The following PIK3CD variants were observed in gnomAD, a reference collection of about 807,000 sequenced individuals.
PIK3CD encodes the protein phosphatidylinositol-4,5-bisphosphate 3-kinase catalytic subunit delta.
PIK3CD carries 20 observed loss-of-function variants against 122.9 expected under a neutral mutation model. The observed-to-expected ratio is 0.16, with a 90% CI of 0.11 to 0.24. PIK3CD has a LOEUF of 0.24. Ranked by LOEUF, PIK3CD falls within the 10% of genes least tolerant of loss-of-function variation. PIK3CD has a pLI of 1.00. For missense variants in PIK3CD, 787 were observed against 1,406.3 expected (o/e 0.56, Z 7.04); for synonymous variants, 596 against 593.4 (o/e 1.00, Z -0.06).
the PIK3CD span, among the ~76,000 whole-genome samples, chr1:9,635,166 T>C: frequency 6.6e-6 from 1 of 151,464 alleles, no homozygotes. Context: ...TCCCAGTTAC[T>C]CAGGAGACTG....
rs1294038331 is a variant in PIK3CD, at chr1:9,689,817, G to A, written c.-137-1650G>A. The stretch of plus-strand genomic sequence containing the variant: ...CCCCGCCCAGCCCCGGGCTTTGTCC[G>A]CCTGGGGCGGGGTGGGCAGGGTCGG... On this transcript the variant is annotated intron_variant, in intron 1 of 23. Coordinates refer to ENST00000377346, the MANE Select transcript of PIK3CD (RefSeq NM_005026.5). This position sits in a 1 kb window ranked among gnomAD's most constrained non-coding sequence, Gnocchi z 6.1. Among the ~76,000 whole-genome samples, 3 of 151,966 alleles carry A rather than the reference G, an allele frequency of 2.0e-5. No homozygotes were observed. The highest frequency in any genetic ancestry group is 4.8e-5 in the African/African-American group (2 of 41,534).
chr1:9,707,015 G>A (rs1054367933), intron 2 of PIK3CD, among the ~76,000 whole-genome samples: 19 of 141,178 alleles, frequency 1.3e-4, no homozygotes, highest in African/African-American at 3.8e-4. Flanking sequence ...CTCTCACTAT[G>A]TTGCCCAGGC....
chr1:9,675,046 GAGAAAGAAAGAA>G (rs145905057), intron 1 of PIK3CD, among the ~76,000 whole-genome samples: 1 of 143,162 alleles, frequency 7.0e-6, no homozygotes, highest in Non-Finnish European at 1.5e-5. Flanking sequence ...AAGAGAGAGA[GAGAAAGAAAGAA>G]AGAAAGAAAT....
At chr1:9,716,812 G>T in intron 6 of PIK3CD, 147 bp from the exon 7 acceptor site, 1 of 1,245,138 alleles carries the variant, frequency 8.0e-7, no homozygotes, top group Non-Finnish European at 1.2e-6. Flanking sequence ...GGGAGGTGGA[G>T]GTGGGGCAGG....
rs1165774533 is a variant in PIK3CD, at chr1:9,715,404, G to A, written c.142-137G>A. ...CAGCACCCAGGGGGCTGCAGAGAGT[G>A]CAGATCTTGGGGTCTGCCTCTGCCC... is the stretch of plus-strand genomic sequence containing the variant. On this transcript the variant is annotated intron_variant, in intron 3 of 23. Coordinates refer to ENST00000377346, the MANE Select transcript of PIK3CD (RefSeq NM_005026.5). This position sits in a 1 kb window ranked among gnomAD's most constrained non-coding sequence, Gnocchi z 4.1. 4 of 713,886 alleles carry A rather than the reference G, an allele frequency of 5.6e-6. No individual in the cohort carries two copies. Among genetic ancestry groups the A allele is most frequent in the East Asian group, 2.7e-5 (1 of 37,120 alleles). 44.2% of individuals were successfully genotyped at this position (713,886 alleles called of 1,614,324 possible).
intron 2 of PIK3CD, among the ~76,000 whole-genome samples, chr1:9,702,500 CTTTTTTTTTTTTTTTTTTTTTTTTTT>C (rs60167511): frequency 7.8e-5 from 2 of 25,804 alleles, no homozygotes; most frequent in Non-Finnish European, 2.1e-4. Context: ...AAGAACTTTC[CTTTTTTTTTTTTTTTTTTTTTTTTTT>C]TTTTTTTTTT....
At chr1:9,637,241 T>C in the PIK3CD span, among the ~76,000 whole-genome samples, 3 of 152,194 alleles carry the variant, frequency 2.0e-5, no homozygotes, top group African/African-American at 7.2e-5. Context: ...TAATAATCCA[T>C]AGAAGAGGCC....
the PIK3CD span, among the ~76,000 whole-genome samples, chr1:9,629,323 C>T: frequency 1.3e-5 from 2 of 151,986 alleles, no homozygotes; most frequent in South Asian, 4.1e-4. Context: ...GAGGCCGGGG[C>T]ACCTGTCCTC....
chr1:9,650,642 G>GA (rs1644654598), upstream of PIK3CD, among the ~76,000 whole-genome samples: 1 of 151,580 alleles, frequency 6.6e-6, no homozygotes, highest in African/African-American at 2.4e-5. Context: ...AAAGAAAAAA[G>GA]AAAAAGAAAG....
chr1:9,630,499 G>A, the PIK3CD span, among the ~76,000 whole-genome samples: 2 of 152,196 alleles, frequency 1.3e-5, no homozygotes, highest in East Asian at 3.9e-4. Context: ...AGACACAGGG[G>A]AGCAGCCCAG....
At chr1:9,692,953 T>C (rs1340707057) in intron 2 of PIK3CD, among the ~76,000 whole-genome samples, 1 of 152,186 alleles carries the variant, frequency 6.6e-6, no homozygotes, top group Non-Finnish European at 1.5e-5. Context: ...GTTGGAGGAT[T>C]AGAATTTCTT....
Position 9,721,591 on chromosome 1 carries a change from G to A in PIK3CD, c.1955+4G>A, listed in dbSNP as rs1557670966. ...ACTTCCTTTTCTGGCACCTCCGGTAGCGGGACTTGCCCCAGCCGTTCTGTG... is the reference window on the plus strand; with the variant it reads ...ACTTCCTTTTCTGGCACCTCCGGTAACGGGACTTGCCCCAGCCGTTCTGTG... On this transcript the variant is annotated splice_donor_region_variant and intron_variant, in intron 15 of 23. Coordinates refer to ENST00000377346, the MANE Select transcript of PIK3CD (RefSeq NM_005026.5). 1 of 1,612,754 alleles carries A rather than the reference G, an allele frequency of 6.2e-7. No homozygotes were observed. Among genetic ancestry groups the A allele is most frequent in the African/African-American group, 1.3e-5 (1 of 75,036 alleles).
rs1646453505 is a variant in PIK3CD, at chr1:9,697,187, CA to C, written c.-33+5617del. The stretch of plus-strand genomic sequence containing the variant: ...AGGAGTTCAAGACTAGCCTGGGCAA[CA>C]TAGCAAGACCCTGTCTCTATTTTCA... On this transcript the variant is annotated intron_variant, in intron 2 of 23. Transcript: ENST00000377346. 2.0e-5 allele frequency among the ~76,000 whole-genome samples: 3 copies of C among 151,566 alleles called. No homozygotes were observed. The South Asian group carries it at 6.2e-4, about 32-fold the overall frequency.
At chr1:9,665,841 C>T (rs548738091) in intron 1 of PIK3CD, among the ~76,000 whole-genome samples, 21 of 152,054 alleles carry the variant, frequency 1.4e-4, no homozygotes, top group African/African-American at 5.1e-4. Context: ...GCGACCTCCG[C>T]CTCCTGGGTT....
the PIK3CD span, among the ~76,000 whole-genome samples, chr1:9,645,310 C>A: frequency 1.3e-5 from 2 of 152,078 alleles, no homozygotes; most frequent in Non-Finnish European, 2.9e-5. Context: ...TGAGCCACCG[C>A]TTGCCCAGCT....
At chr1:9,673,400 C>T (rs1222987424) in intron 1 of PIK3CD, among the ~76,000 whole-genome samples, 1 of 152,152 alleles carries the variant, frequency 6.6e-6, no homozygotes, top group Non-Finnish European at 1.5e-5. Context: ...GCTAGGATTA[C>T]AGTCGTGCAC....
At chr1:9,716,694 G>T in intron 6 of PIK3CD, 75 bp downstream of exon 6, 1 of 1,460,104 alleles carries the variant, frequency 6.8e-7, no homozygotes. Flanking sequence ...TCGGGGAGCT[G>T]ACATTTGGGC....
the PIK3CD span, among the ~76,000 whole-genome samples, chr1:9,628,501 G>A: frequency 1.3e-5 from 2 of 152,182 alleles, no homozygotes; most frequent in African/African-American, 2.4e-5. Flanking sequence ...GTTGAGCACC[G>A]GCCTCCGCTG....
intron 1 of PIK3CD, among the ~76,000 whole-genome samples, chr1:9,655,066 CA>C (rs201406696): frequency 2.3e-3 from 281 of 124,720 alleles, no homozygotes; most frequent in African/African-American, 2.5e-3. Context: ...GACTACATTT[CA>C]AAAAAAAAAA....
Sources: allele counts gnomAD v4.1 joint callset (sites outside exome capture counted in the v4.1 genomes callset), GRCh38; gene constraint gnomAD v4.1.1; non-coding constraint Gnocchi (gnomAD v3.1); transcripts MANE v1.5; gene names NCBI Gene and HGNC (gene_info 2026-07-23, HGNC 2026-07-21).